Variants in SPIN1 observed in about 807,000 individuals in gnomAD.
The protein encoded by SPIN1 is spindlin-1.
A neutral mutation model predicts 26.0 loss-of-function variants in SPIN1; 3 were observed. The ratio of observed to expected loss-of-function variants is 0.12; its 90% confidence interval spans 0.05 to 0.30. The LOEUF (loss-of-function observed/expected upper bound fraction) is 0.30, where lower values mean the gene tolerates loss of function less well. Among genes scored for constraint, SPIN1 ranks in the 10% least tolerant of loss-of-function variants. The probability of loss-of-function intolerance (pLI) is 1.00; values close to 1 mark genes in which losing one functional copy is unlikely to be tolerated. For synonymous variants in SPIN1, 101 were observed against 116.5 expected (o/e 0.87, Z 0.86); for missense variants, 126 against 333.4 (o/e 0.38, Z 4.84).
At chr9:88,443,466 A>G (rs568589209) in intron 2 of SPIN1, among the ~76,000 whole-genome samples, 2 of 152,236 alleles carry the variant, frequency 1.3e-5, no homozygotes, top group Admixed American at 1.3e-4. Context: ...TGTTGTCTGT[A>G]TTACTCTTTA....
At chr9:88,447,734 C>A (rs1564036428) in intron 2 of SPIN1, among the ~76,000 whole-genome samples, 1 of 152,182 alleles carries the variant, frequency 6.6e-6, no homozygotes. Flanking sequence ...TACATGTAGT[C>A]CACAAATTCC....
At chr9:88,468,928 T>C (rs1417805763) in intron 5 of SPIN1, among the ~76,000 whole-genome samples, 1 of 152,236 alleles carries the variant, frequency 6.6e-6, no homozygotes, top group Non-Finnish European at 1.5e-5. Context: ...CCGTGTACCC[T>C]GCTCAGCTTT....
intron 1 of SPIN1, among the ~76,000 whole-genome samples, chr9:88,399,033 C>G (rs1587771524): frequency 6.7e-6 from 1 of 149,126 alleles, no homozygotes; most frequent in Non-Finnish European, 1.5e-5. Flanking sequence ...CTGGCTTAAG[C>G]AGTTTTTTTT....
intron 1 of SPIN1, among the ~76,000 whole-genome samples, chr9:88,412,348 A>G (rs1345918075): frequency 6.6e-6 from 1 of 152,058 alleles, no homozygotes; most frequent in African/African-American, 2.4e-5. Context: ...TTTACTAGGG[A>G]TATCCTTGTA....
chr9:88,459,761 T>C (rs972215776), intron 3 of SPIN1, among the ~76,000 whole-genome samples: 8 of 152,234 alleles, frequency 5.3e-5, no homozygotes, highest in African/African-American at 1.9e-4. Context: ...TATCTGAAGC[T>C]CATTGTCATA....
At chr9:88,416,186 A>G (rs1827560397) in intron 1 of SPIN1, among the ~76,000 whole-genome samples, 1 of 152,252 alleles carries the variant, frequency 6.6e-6, no homozygotes, top group African/African-American at 2.4e-5. Flanking sequence ...CATTTCTAAC[A>G]TAGAAAAGTT....
intron 3 of SPIN1, among the ~76,000 whole-genome samples, chr9:88,452,107 T>A (rs1469461653): frequency 1.3e-5 from 2 of 152,178 alleles, no homozygotes; most frequent in Non-Finnish European, 2.9e-5. Context: ...GGGATTTCTT[T>A]CCTCCCATTT....
intron 4 of SPIN1, among the ~76,000 whole-genome samples, chr9:88,466,415 C>T (rs1828669061): frequency 6.6e-6 from 1 of 152,080 alleles, no homozygotes; most frequent in Non-Finnish European, 1.5e-5. Context: ...GCCTGGGGCT[C>T]AAAGTGCTAG....
chr9:88,406,313 T>C (rs1296565712), intron 1 of SPIN1, among the ~76,000 whole-genome samples: 1 of 150,184 alleles, frequency 6.7e-6, no homozygotes, highest in African/African-American at 2.5e-5. Context: ...TTTTTTGAGT[T>C]GGAGTCTCGC....
chr9:88,465,204 T>C (rs1828641039), intron 4 of SPIN1, among the ~76,000 whole-genome samples: 1 of 152,224 alleles, frequency 6.6e-6, no homozygotes, highest in African/African-American at 2.4e-5. Context: ...AATTGTACCA[T>C]GTAAAATTGT....
At chr9:88,473,961 T>C (rs1355070778) in intron 5 of SPIN1, among the ~76,000 whole-genome samples, 2 of 152,248 alleles carry the variant, frequency 1.3e-5, no homozygotes, top group African/African-American at 2.4e-5. Flanking sequence ...CTCAGATGTT[T>C]TATTTTTATT....
chr9:88,470,407 C>T (rs547415737), intron 5 of SPIN1, among the ~76,000 whole-genome samples: 10 of 152,216 alleles, frequency 6.6e-5, no homozygotes, highest in African/African-American at 7.2e-5. Flanking sequence ...ATTTTAAAAA[C>T]GGAAATACCA....
intron 1 of SPIN1, among the ~76,000 whole-genome samples, chr9:88,398,821 G>A (rs972378615): frequency 6.6e-6 from 1 of 151,886 alleles, no homozygotes; most frequent in Admixed American, 6.6e-5. Context: ...TCATCCGCCT[G>A]CCTTGGCCTC....
At chr9:88,421,999 C>CT (rs1399505650) in intron 1 of SPIN1, among the ~76,000 whole-genome samples, 6 of 152,124 alleles carry the variant, frequency 3.9e-5, no homozygotes, top group African/African-American at 1.4e-4. Flanking sequence ...GGTTGATTCC[C>CT]TTTTAATGAT....
chr9:88,469,175 C>T (rs1165580896), intron 5 of SPIN1, among the ~76,000 whole-genome samples: 1 of 152,186 alleles, frequency 6.6e-6, no homozygotes, highest in African/African-American at 2.4e-5. Context: ...GAACACACAA[C>T]TTAGATTCTT....
intron 3 of SPIN1, among the ~76,000 whole-genome samples, chr9:88,452,275 G>A (rs144026806): frequency 5.6e-4 from 85 of 152,326 alleles, no homozygotes; most frequent in African/African-American, 2.0e-3. Flanking sequence ...TAAGTAACTT[G>A]TCCAAGGTCA....
chr9:88,421,947 G>A (rs1827675853), intron 1 of SPIN1, among the ~76,000 whole-genome samples: 2 of 151,872 alleles, frequency 1.3e-5, no homozygotes, highest in Admixed American at 1.3e-4. Flanking sequence ...AAGTGATATA[G>A]TCTGCTTTGC....
intron 2 of SPIN1, among the ~76,000 whole-genome samples, chr9:88,444,560 A>G (rs1315373885): frequency 6.6e-6 from 1 of 151,486 alleles, no homozygotes; most frequent in Admixed American, 6.6e-5. Flanking sequence ...TGTTTTTATA[A>G]TATCTTCAGT....
At chr9:88,404,998 G>T (rs527836217) in intron 1 of SPIN1, among the ~76,000 whole-genome samples, 11 of 151,728 alleles carry the variant, frequency 7.2e-5, no homozygotes, top group African/African-American at 2.7e-4. Context: ...ATCTTGTCCA[G>T]GTGAAAGGTC....
Sources: allele counts gnomAD v4.1 joint callset (sites outside exome capture counted in the v4.1 genomes callset), GRCh38; gene constraint gnomAD v4.1.1; transcripts MANE v1.5; gene names NCBI Gene and HGNC (gene_info 2026-07-23, HGNC 2026-07-21).